Variants in FBXL17 observed in about 807,000 individuals in gnomAD.
FBXL17 encodes the protein F-box and leucine rich repeat protein 17.
A neutral mutation model predicts 66.2 loss-of-function variants in FBXL17; 22 were observed. The ratio of observed to expected loss-of-function variants is 0.33; its 90% CI spans 0.24 to 0.47. FBXL17 has a LOEUF of 0.47. Among genes scored for constraint, FBXL17 ranks in the 20% least tolerant of loss-of-function variants. The pLI, the probability that FBXL17 is intolerant of heterozygous loss-of-function variation, is 1.00. For missense variants in FBXL17, 878 were observed against 948.2 expected, an observed-to-expected ratio of 0.93 and a Z score of 0.97; for synonymous variants, 474 against 400.5, an observed-to-expected ratio of 1.18 and a Z score of -2.19.
At chr5:108,214,673 T>A (rs117853066) in intron 5 of FBXL17, among the ~76,000 whole-genome samples, 6,706 of 152,142 alleles carry the variant, frequency 0.044, 795 homozygotes, top group East Asian at 0.4. Context: ...CCTGGCCCGA[T>A]TTATTAATTT....
At chr5:108,358,145 T>C (rs1441333946) in intron 3 of FBXL17, among the ~76,000 whole-genome samples, 1 of 152,182 alleles carries the variant, frequency 6.6e-6, no homozygotes, top group Non-Finnish European at 1.5e-5. Context: ...TTTTACTTCT[T>C]CCTTTCCAAT....
At chr5:108,374,261 A>G (rs2112627846) in intron 1 of FBXL17, among the ~76,000 whole-genome samples, 1 of 152,316 alleles carries the variant, frequency 6.6e-6, no homozygotes, top group East Asian at 1.9e-4. Flanking sequence ...AAGTGCATAA[A>G]AACATTCTCA....
intron 6 of FBXL17, among the ~76,000 whole-genome samples, chr5:108,075,140 CA>C (rs1166322919): frequency 6.6e-6 from 1 of 152,154 alleles, no homozygotes; most frequent in East Asian, 1.9e-4. Context: ...CTAAAAACTG[CA>C]AATACTTTGT....
chr5:108,197,412 T>C (rs983690752), intron 5 of FBXL17, among the ~76,000 whole-genome samples: 1 of 152,058 alleles, frequency 6.6e-6, no homozygotes, highest in African/African-American at 2.4e-5. Context: ...TTCAGAGATC[T>C]ACAAAAAAAA....
chr5:108,244,701 G>A (rs1376844688), intron 4 of FBXL17, among the ~76,000 whole-genome samples: 1 of 152,030 alleles, frequency 6.6e-6, no homozygotes, highest in East Asian at 1.9e-4. Context: ...CAAACCATTA[G>A]AAACAGAAAT....
At chr5:108,023,235 T>C (rs1754665811) in intron 6 of FBXL17, among the ~76,000 whole-genome samples, 2 of 152,138 alleles carry the variant, frequency 1.3e-5, no homozygotes, top group Admixed American at 1.3e-4. Flanking sequence ...TAAAAATTCA[T>C]GGAGACAAAA....
chr5:107,872,755 G>A (rs768573592), intron 8 of FBXL17, among the ~76,000 whole-genome samples: 2 of 152,186 alleles, frequency 1.3e-5, no homozygotes, highest in African/African-American at 2.4e-5. Flanking sequence ...TTGCTTCATA[G>A]GAGGAACACT....
chr5:107,869,739 T>G (rs1326768561), intron 8 of FBXL17, among the ~76,000 whole-genome samples: 2 of 152,130 alleles, frequency 1.3e-5, no homozygotes, highest in Admixed American at 6.5e-5. Context: ...CAGTGCCGCT[T>G]TTCAATCTCT....
At chr5:108,213,773 T>G (rs189452198) in intron 5 of FBXL17, among the ~76,000 whole-genome samples, 1 of 152,210 alleles carries the variant, frequency 6.6e-6, no homozygotes, top group African/African-American at 2.4e-5. Flanking sequence ...TTTTTAACAT[T>G]AGCCAATCTA....
chr5:108,176,375 T>C (rs1752794611), intron 6 of FBXL17, among the ~76,000 whole-genome samples: 1 of 152,198 alleles, frequency 6.6e-6, no homozygotes, highest in Non-Finnish European at 1.5e-5. Context: ...GAGTAGCACA[T>C]CCAGAAATAT....
At chr5:108,043,021 T>C (rs1184693586) in intron 6 of FBXL17, among the ~76,000 whole-genome samples, 12 of 152,198 alleles carry the variant, frequency 7.9e-5, no homozygotes, top group Non-Finnish European at 1.8e-4. Context: ...TTTTTGTTCA[T>C]CTGTATATCA....
At chr5:108,167,062 TTG>T (rs1752440940) in intron 6 of FBXL17, among the ~76,000 whole-genome samples, 1 of 152,146 alleles carries the variant, frequency 6.6e-6, no homozygotes, top group Non-Finnish European at 1.5e-5. Context: ...GTAGAGATCA[TTG>T]TGTTTTTTTT....
At chr5:108,091,508 T>C (rs543115981) in intron 6 of FBXL17, among the ~76,000 whole-genome samples, 23 of 152,388 alleles carry the variant, frequency 1.5e-4, no homozygotes, top group Admixed American at 1.2e-3. Context: ...ATTTGGGTAC[T>C]TTATTGCATG....
intron 8 of FBXL17, among the ~76,000 whole-genome samples, chr5:107,865,962 T>C (rs1194887865): frequency 6.6e-6 from 1 of 152,218 alleles, no homozygotes; most frequent in African/African-American, 2.4e-5. Context: ...TACATCGTTA[T>C]GCCTACATGC....
chr5:108,079,898 G>A (rs1317121638), intron 6 of FBXL17, among the ~76,000 whole-genome samples: 1 of 152,150 alleles, frequency 6.6e-6, no homozygotes, highest in Non-Finnish European at 1.5e-5. Context: ...AACTGACTTG[G>A]CTTCAAAAAT....
At chr5:108,222,766 C>A (rs1187631057) in intron 5 of FBXL17, among the ~76,000 whole-genome samples, 1 of 148,510 alleles carries the variant, frequency 6.7e-6, no homozygotes, top group Non-Finnish European at 1.5e-5. Context: ...CTCCGCCTCT[C>A]GGGTTTAAGC....
rs10712806 is a variant in FBXL17, at chr5:107,866,087, GTT to G, written c.1966-4229_1966-4228del. 2.0e-3 allele frequency among the ~76,000 whole-genome samples: 307 copies of G among 150,066 alleles called. 1 individual carries two copies. Among genetic ancestry groups the G allele is most frequent in the Middle Eastern group, 7.0e-3 (2 of 286 alleles). ...ATAAAAAGGGAACATTAAAGATGAA[GTT>G]TTTTTTTTTTAATTTCCCCATGATC... On this transcript the variant is annotated intron_variant, in intron 8 of 8. Transcript: ENST00000542267.
At chr5:107,997,128 T>C (rs746595065) in intron 7 of FBXL17, among the ~76,000 whole-genome samples, 5 of 152,226 alleles carry the variant, frequency 3.3e-5, no homozygotes, top group Admixed American at 6.5e-5. Flanking sequence ...AAGTAGGCAG[T>C]ACATCGTAGC....
chr5:108,323,531 A>G (rs1580815633), intron 4 of FBXL17, among the ~76,000 whole-genome samples: 1 of 151,986 alleles, frequency 6.6e-6, no homozygotes, highest in African/African-American at 2.4e-5. Flanking sequence ...ACTCATTGCA[A>G]TATACAGGTT....
Sources: allele counts gnomAD v4.1 joint callset (sites outside exome capture counted in the v4.1 genomes callset), GRCh38; gene constraint gnomAD v4.1.1; transcripts MANE v1.5; gene names NCBI Gene and HGNC (gene_info 2026-07-23, HGNC 2026-07-21).